Variants in RBM38 observed in about 807,000 individuals in gnomAD.
RBM38 encodes RNA-binding protein 38.
A neutral mutation model predicts 23.5 loss-of-function variants in RBM38; 11 were observed. That is an observed-to-expected ratio of 0.47 (90% CI 0.29 to 0.77). The LOEUF (loss-of-function observed/expected upper bound fraction) is 0.77, where lower values mean the gene tolerates loss of function less well. Ranked by LOEUF, RBM38 falls within the 30% of genes least tolerant of loss-of-function variation. The probability of loss-of-function intolerance (pLI) is 0.08; values close to 1 mark genes in which losing one functional copy is unlikely to be tolerated. For missense variants in RBM38, 330 were observed against 351.9 expected, an observed-to-expected ratio of 0.94 and a Z score of 0.50; for synonymous variants, 165 against 166.1, an observed-to-expected ratio of 0.99 and a Z score of 0.05.
At chr20:57,401,059 T>C (rs2067323385) in intron 3 of RBM38, among the ~76,000 whole-genome samples, 1 of 152,142 alleles carries the variant, frequency 6.6e-6, no homozygotes, top group Admixed American at 6.5e-5. Context: ...CCCCCGACCT[T>C]TGGGCTCCTA....
At position 57,391,724 on chromosome 20, in the gene RBM38, C is replaced by T. The variant is rs2067217014; in HGVS notation, c.143C>T (p.Ala48Val). 1.3e-6 allele frequency: 2 copies of T among 1,546,748 alleles called. No homozygotes were observed. Among genetic ancestry groups the T allele is most frequent in the Non-Finnish European group, 8.7e-7 (1 of 1,145,906 alleles). ...VGGLPYHTTDASLRKYFEGFG... is the reference protein window; with the variant it reads ...VGGLPYHTTDVSLRKYFEGFG... ...GGCCTGCCGTACCACACTACCGACG[C>T]CTCGCTCAGGAAGTACTTCGAGGGC... Residue 48 changes from alanine to valine, a missense_variant, in exon 1 of 4, where the codon GCC becomes GTC. Coordinates refer to ENST00000356208, the MANE Select transcript of RBM38 (RefSeq NM_017495.6).
At chr20:57,391,956 T>G in intron 1 of RBM38, 138 bp downstream of exon 1, 1 of 312,586 alleles carries the variant, frequency 3.2e-6, no homozygotes, top group Admixed American at 9.6e-5. Context: ...CGCCCGCACC[T>G]GCCGCCTCTC....
rs550477094 is a variant in RBM38 at position 57,403,866 on chromosome 20, C to T, written c.417-3677C>T. ...TGAACTCTTGACCTCATGATCTGCC[C>T]GCCCCAGCCTTCCAAAGTGCTGGGA... On this transcript the variant is annotated intron_variant, in intron 3 of 3. Transcript: ENST00000356208. Among the ~76,000 whole-genome samples, 26 of 152,344 alleles carry T rather than the reference C, an allele frequency of 1.7e-4. No homozygotes were observed. In the South Asian group the frequency reaches 3.9e-3, roughly 23 times the overall value.
chr20:57,408,111 C>T lies in RBM38; in HGVS notation c.*265C>T. 1 of 538,694 alleles carries T rather than the reference C, an allele frequency of 1.9e-6. No homozygotes were observed. Among genetic ancestry groups the T allele is most frequent in the South Asian group, 2.1e-5 (1 of 48,340 alleles). The allele number at this position is 538,694 out of a possible 1,614,324, so 33.4% of individuals were successfully genotyped here. A position where few individuals can be genotyped will look rare whatever the true frequency, so the allele number is the denominator to read the frequency against. On this transcript the variant is annotated 3_prime_UTR_variant, in exon 4 of 4. Coordinates refer to ENST00000356208, the MANE Select transcript of RBM38 (RefSeq NM_017495.6). ...AAGACGCAATCCCAGGTTCCTTGCACACCATGGCAGCCTCTCCTTGCACCT... is the reference window on the plus strand; with the variant it reads ...AAGACGCAATCCCAGGTTCCTTGCATACCATGGCAGCCTCTCCTTGCACCT...
chr20:57,398,922 G>A (rs1021621443), intron 3 of RBM38, among the ~76,000 whole-genome samples: 1 of 152,228 alleles, frequency 6.6e-6, no homozygotes, highest in African/African-American at 2.4e-5. Context: ...GGACCTTCCT[G>A]CTGATCTCAT....
At chr20:57,402,661 C>T (rs1432760211) in intron 3 of RBM38, among the ~76,000 whole-genome samples, 1 of 152,254 alleles carries the variant, frequency 6.6e-6, no homozygotes, top group Non-Finnish European at 1.5e-5. Flanking sequence ...GCTGAGGAAC[C>T]TGCCTGGTGC....
At chr20:57,399,309 G>T (rs1282543428) in intron 3 of RBM38, among the ~76,000 whole-genome samples, 2 of 152,142 alleles carry the variant, frequency 1.3e-5, no homozygotes, top group African/African-American at 4.8e-5. Context: ...GAGTGTTTTT[G>T]CTTCTGGCTG....
At chr20:57,398,814 G>A (rs865904619) in intron 3 of RBM38, among the ~76,000 whole-genome samples, 34 of 152,264 alleles carry the variant, frequency 2.2e-4, no homozygotes, top group African/African-American at 7.2e-4. Flanking sequence ...CACAGACTGA[G>A]TGGAGGCCCA....
intron 3 of RBM38, among the ~76,000 whole-genome samples, chr20:57,398,288 G>A (rs35817974): frequency 0.17 from 25,936 of 152,108 alleles, 2,349 homozygotes; most frequent in Middle Eastern, 0.28. Context: ...GCACGCACAC[G>A]TGTGCGGGCG....
Position 57,407,446 on chromosome 20 carries a change from CGG to C in RBM38, c.417-94_417-93del, listed in dbSNP as rs2067397433. The C allele has an allele frequency of 2.2e-6, 3 of 1,368,600 alleles. No homozygotes were observed. The East Asian group carries it at 7.5e-5, about 34-fold the overall frequency. The allele number at this position is 1,368,600 out of a possible 1,614,324, so 84.8% of individuals were successfully genotyped here. A position where few individuals can be genotyped will look rare whatever the true frequency, so the allele number is the denominator to read the frequency against. On this transcript the variant is annotated intron_variant, in intron 3 of 3. Transcript: ENST00000356208. This position sits in a 1 kb window ranked among gnomAD's most constrained non-coding sequence, Gnocchi z 4.0. ...CTGACCGATGAGGAAAGTCGGGGCT[CGG>C]GGTGGGGGGCGGCACGCATCGTGTA...
At chr20:57,401,032 C>T (rs2067322834) in intron 3 of RBM38, among the ~76,000 whole-genome samples, 1 of 152,174 alleles carries the variant, frequency 6.6e-6, no homozygotes, top group South Asian at 2.1e-4. Flanking sequence ...CAGGAGCAGC[C>T]CTGATGAGCA....
At chr20:57,399,349 T>C (rs935665376) in intron 3 of RBM38, among the ~76,000 whole-genome samples, 1 of 152,114 alleles carries the variant, frequency 6.6e-6, no homozygotes, top group Admixed American at 6.5e-5. Flanking sequence ...CCGAGGGTAT[T>C]GTGGTGGTTG....
In RBM38 at chr20:57,408,331, C is replaced by T. The variant is rs2067409553; in HGVS notation, c.*485C>T. 3.5e-5 allele frequency: 6 copies of T among 172,756 alleles called. No individual in the cohort carries two copies. In the South Asian group the frequency reaches 8.2e-4, roughly 24 times the overall value. 10.7% of individuals were successfully genotyped at this position (172,756 alleles called of 1,614,324 possible). A position where few individuals can be genotyped will look rare whatever the true frequency, so the allele number is the denominator to read the frequency against. On this transcript the variant is annotated 3_prime_UTR_variant, in exon 4 of 4. Coordinates refer to ENST00000356208, the MANE Select transcript of RBM38 (RefSeq NM_017495.6). ...GATCCTCCCGAGCTGTGAGCGCAGT[C>T]TGAGGTGTGAGGACACGGCCTCCTG...
At chr20:57,393,213 T>C (rs977034654) in intron 2 of RBM38, 66 bp from the exon 3 acceptor site, 104 of 1,474,790 alleles carry the variant, frequency 7.1e-5, no homozygotes, top group Non-Finnish European at 9.2e-5. Context: ...TCTGCCACCC[T>C]GTGTGCAGCC....
chr20:57,401,769 G>T (rs758806918), intron 3 of RBM38, among the ~76,000 whole-genome samples: 2 of 152,212 alleles, frequency 1.3e-5, no homozygotes, highest in Non-Finnish European at 2.9e-5. Context: ...GGAACAGAAG[G>T]AGCCCAGGGC....
At chr20:57,404,921 G>T (rs1214591164) in intron 3 of RBM38, among the ~76,000 whole-genome samples, 1 of 152,224 alleles carries the variant, frequency 6.6e-6, no homozygotes, top group Non-Finnish European at 1.5e-5. Flanking sequence ...ACCTGGGTGT[G>T]CAGTGGAAGC....
intron 3 of RBM38, among the ~76,000 whole-genome samples, chr20:57,405,246 A>G (rs931811515): frequency 6.6e-5 from 10 of 152,130 alleles, no homozygotes; most frequent in African/African-American, 2.4e-4. Context: ...CTCCCATCCT[A>G]GAAGCTAAGC....
intron 3 of RBM38, among the ~76,000 whole-genome samples, chr20:57,404,241 C>T (rs560832962): frequency 2.0e-5 from 3 of 152,368 alleles, no homozygotes; most frequent in South Asian, 2.1e-4. Flanking sequence ...CTGGTCTGGG[C>T]AGCGGTTCTT....
At position 57,405,178 on chromosome 20, in the gene RBM38, G is replaced by A. The variant is rs966252204; in HGVS notation, c.417-2365G>A. ...TGTCCACACATCACAGCCCTCTGCT[G>A]TCTTGACTTCCCCTGAGCCCCCCAC... is the stretch of plus-strand genomic sequence containing the variant. On this transcript the variant is annotated intron_variant, in intron 3 of 3. Coordinates refer to ENST00000356208, the MANE Select transcript of RBM38 (RefSeq NM_017495.6). Among the ~76,000 whole-genome samples, 15 of 152,308 alleles carry A rather than the reference G, an allele frequency of 9.8e-5. No homozygotes were observed. The East Asian group carries it at 2.9e-3, about 29-fold the overall frequency.
Sources: gnomAD v4.1 joint callset for allele counts (sites outside exome capture counted in the v4.1 genomes callset) on GRCh38, gnomAD v4.1.1 for gene constraint, Gnocchi (gnomAD v3.1) non-coding constraint, MANE v1.5 for transcripts, NCBI Gene and HGNC (gene_info 2026-07-23, HGNC 2026-07-21) for gene names.